Variants in TCF7L2 observed in about 807,000 individuals in gnomAD.
The protein encoded by TCF7L2 is transcription factor 7 like 2.
Under a neutral mutation model 77.9 loss-of-function variants are expected in TCF7L2, and 23 were observed. The ratio of observed to expected loss-of-function variants is 0.30; its 90% CI spans 0.21 to 0.42. The LOEUF (loss-of-function observed/expected upper bound fraction) is 0.42. Among genes scored for constraint, TCF7L2 ranks in the 10% least tolerant of loss-of-function variants. The pLI is 1.00. For synonymous variants in TCF7L2, 413 were observed against 340.2 expected (o/e 1.21, Z -2.36); for missense variants, 654 against 793.1 (o/e 0.82, Z 2.11).
At chr10:113,089,302 G>A in intron 5 of TCF7L2, 9 of 1,368,632 alleles carry the variant, frequency 6.6e-6, no homozygotes, top group Non-Finnish European at 8.9e-6. Flanking sequence ...AGAAATGTGG[G>A]TTAGGGCAGA....
chr10:113,012,607 G>C (rs1156514245), intron 4 of TCF7L2, among the ~76,000 whole-genome samples: 1 of 152,188 alleles, frequency 6.6e-6, no homozygotes, highest in African/African-American at 2.4e-5. Flanking sequence ...TCTCTGCTCT[G>C]TGATGAAAGG....
intron 4 of TCF7L2, among the ~76,000 whole-genome samples, chr10:113,005,408 G>C (rs542735562): frequency 6.6e-6 from 1 of 152,304 alleles, no homozygotes; most frequent in East Asian, 1.9e-4. Context: ...TTTTCTCACT[G>C]TAGGCAGGGA....
chr10:113,027,846 G>C (rs890990886), intron 4 of TCF7L2, among the ~76,000 whole-genome samples: 3 of 152,098 alleles, frequency 2.0e-5, no homozygotes, highest in Admixed American at 1.3e-4. Flanking sequence ...CTGCAGCCCT[G>C]CTTCTCTGGG....
intron 5 of TCF7L2, among the ~76,000 whole-genome samples, chr10:113,055,736 G>A (rs2055263925): frequency 6.6e-6 from 1 of 152,156 alleles, no homozygotes; most frequent in Non-Finnish European, 1.5e-5. Context: ...ACATCACTGT[G>A]CCTAGCTTTG....
Position 112,951,496 on chromosome 10 carries a change from A to G in TCF7L2, c.270A>G (p.Gln90=). ...CCGCCATGTTAGCGGCCAAGAGGCAAGATGGAGGGCTCTTTAAGGGGCCAC... is the reference window on the plus strand; with the variant it reads ...CCGCCATGTTAGCGGCCAAGAGGCAGGATGGAGGGCTCTTTAAGGGGCCAC... Residue 90 remains glutamine (Q), a synonymous_variant, in exon 3 of 14, where the codon CAA becomes CAG. Transcript: ENST00000627217. The G allele has an allele frequency of 7.0e-7, 1 of 1,431,798 alleles. No individual in the cohort carries two copies. The highest frequency in any genetic ancestry group is 9.3e-7 in the Non-Finnish European group (1 of 1,070,078). The allele number at this position is 1,431,798 out of a possible 1,614,324, so 88.7% of individuals were successfully genotyped here. A position where few individuals can be genotyped will look rare whatever the true frequency, so the allele number is the denominator to read the frequency against.
At chr10:113,027,831 T>TAGCCCTGC (rs1052763534) in intron 4 of TCF7L2, among the ~76,000 whole-genome samples, 1 of 151,470 alleles carries the variant, frequency 6.6e-6, no homozygotes, top group African/African-American at 2.4e-5. Context: ...CCCCAGGAGG[T>TAGCCCTGC]AGCCCTGCAG....
At chr10:113,129,879 C>A in intron 5 of TCF7L2, 1 of 1,290,064 alleles carries the variant, frequency 7.8e-7, no homozygotes, top group Non-Finnish European at 1.0e-6. Flanking sequence ...ACCCTAGGGA[C>A]ACAATTTTAG....
At chr10:113,119,845 T>A (rs1210294339) in intron 5 of TCF7L2, among the ~76,000 whole-genome samples, 1 of 152,162 alleles carries the variant, frequency 6.6e-6, no homozygotes, top group African/African-American at 2.4e-5. Context: ...CCCTAATATG[T>A]CCACTACCCC....
chr10:112,966,182 ATT>A (rs1285425937), intron 4 of TCF7L2, among the ~76,000 whole-genome samples: 1,100 of 40,938 alleles, frequency 0.027, 12 homozygotes, highest in Admixed American at 0.058. Flanking sequence ...TCTAAAATAT[ATT>A]TATATATATA....
intron 4 of TCF7L2, among the ~76,000 whole-genome samples, chr10:113,019,478 C>T (rs2047930609): frequency 6.6e-6 from 1 of 152,152 alleles, no homozygotes; most frequent in Non-Finnish European, 1.5e-5. Context: ...GACTTCACTC[C>T]ACAGACATAA....
At chr10:113,113,518 G>T (rs144308234) in intron 5 of TCF7L2, among the ~76,000 whole-genome samples, 45 of 152,200 alleles carry the variant, frequency 3.0e-4, no homozygotes, top group African/African-American at 1.0e-3. Context: ...GGGGGGTTCT[G>T]TGTTGCTCGC....
At chr10:112,989,958 T>C (rs1564751406) in intron 4 of TCF7L2, among the ~76,000 whole-genome samples, 1 of 152,168 alleles carries the variant, frequency 6.6e-6, no homozygotes, top group Non-Finnish European at 1.5e-5. Context: ...CTCTTCCCCC[T>C]CCTCCTTTCA....
intron 5 of TCF7L2, among the ~76,000 whole-genome samples, chr10:113,069,575 C>A (rs1159870962): frequency 6.6e-6 from 1 of 152,120 alleles, no homozygotes; most frequent in Non-Finnish European, 1.5e-5. Context: ...CCTAACCCGT[C>A]CAGGAGGATG....
At chr10:113,071,467 G>A (rs1375609724) in intron 5 of TCF7L2, among the ~76,000 whole-genome samples, 1 of 152,126 alleles carries the variant, frequency 6.6e-6, no homozygotes, top group African/African-American at 2.4e-5. Context: ...TTCCCTTGGT[G>A]CTAAAAGGAA....
intron 5 of TCF7L2, among the ~76,000 whole-genome samples, chr10:113,086,456 A>C (rs371347518): frequency 6.6e-6 from 1 of 151,946 alleles, no homozygotes; most frequent in Non-Finnish European, 1.5e-5. Flanking sequence ...GTCCAGAGAG[A>C]TCTTATCTTT....
chr10:113,018,503 A>G (rs1330682030), intron 4 of TCF7L2, among the ~76,000 whole-genome samples: 1 of 131,530 alleles, frequency 7.6e-6, no homozygotes, highest in Non-Finnish European at 1.5e-5. Context: ...ATTGGAGTGC[A>G]GTGACGCGGT....
chr10:113,125,715 G>A (rs1217052255), intron 5 of TCF7L2: 1 of 152,202 alleles, frequency 6.6e-6, no homozygotes, highest in African/African-American at 2.4e-5. Flanking sequence ...GCTGCGCAAG[G>A]TGGCAAGATA....
intron 5 of TCF7L2, among the ~76,000 whole-genome samples, chr10:113,049,985 C>A (rs1374350958): frequency 1.3e-5 from 2 of 152,124 alleles, no homozygotes; most frequent in Non-Finnish European, 2.9e-5. Flanking sequence ...TGAGTGGGAC[C>A]CAGATGCTTC....
At position 112,951,282 on chromosome 10, in the gene TCF7L2, G is replaced by T. The variant is rs377007426; in HGVS notation, c.256+9G>T. The T allele has an allele frequency of 1.1e-5, 15 of 1,379,980 alleles. No individual in the cohort carries two copies. The African/African-American group carries it at 1.7e-4, about 15-fold the overall frequency. The allele number at this position is 1,379,980 out of a possible 1,614,324, so 85.5% of individuals were successfully genotyped here. ...GGAAAGTTTGGAAGAAGGTGAGTAC[G>T]CCCCGCGCGCCCCGCAGCCGCCCGG... On this transcript the variant is annotated intron_variant, in intron 2 of 13. Transcript: ENST00000627217.
Sources: gnomAD v4.1 joint callset for allele counts (sites outside exome capture counted in the v4.1 genomes callset) on GRCh38, gnomAD v4.1.1 for gene constraint, MANE v1.5 for transcripts, NCBI Gene and HGNC (gene_info 2026-07-23, HGNC 2026-07-21) for gene names.